Variants in USP12 observed in about 807,000 individuals in gnomAD.
USP12 encodes ubiquitin carboxyl-terminal hydrolase 12.
Under a neutral mutation model 45.5 loss-of-function variants are expected in USP12, and 19 were observed. The ratio of observed to expected loss-of-function variants is 0.42; its 90% CI spans 0.29 to 0.61. USP12 has a LOEUF of 0.61. Among genes scored for constraint, USP12 ranks in the 20% least tolerant of loss-of-function variants. The pLI, the probability that USP12 is intolerant of heterozygous loss-of-function variation, is 0.22. For synonymous variants in USP12, 149 were observed against 148.8 expected, an observed-to-expected ratio of 1.00 and a Z score of -0.01; for missense variants, 242 against 447.7, an observed-to-expected ratio of 0.54 and a Z score of 4.15.
At chr13:27,161,587 C>T (rs1878109664) in intron 1 of USP12, among the ~76,000 whole-genome samples, 1 of 152,106 alleles carries the variant, frequency 6.6e-6, no homozygotes. Context: ...TTACTGCCAT[C>T]AGAAGTTAAC....
intron 6 of USP12, chr13:27,089,662 C>T (rs541355356): frequency 2.9e-5 from 14 of 481,802 alleles, no homozygotes; most frequent in East Asian, 1.7e-4. Context: ...ATTAAATAAT[C>T]GCTAGACATA....
At chr13:27,155,323 T>C (rs371394267) in intron 1 of USP12, among the ~76,000 whole-genome samples, 23 of 152,002 alleles carry the variant, frequency 1.5e-4, no homozygotes, top group South Asian at 6.2e-4. Flanking sequence ...CCTCGTGATC[T>C]GCCCGCCTTG....
At chr13:27,087,967 C>A (rs1012087027) in intron 6 of USP12, among the ~76,000 whole-genome samples, 3 of 152,186 alleles carry the variant, frequency 2.0e-5, no homozygotes, top group Admixed American at 6.5e-5. Context: ...CAAAATGCTT[C>A]CACATAAAAT....
At chr13:27,102,044 G>GA (rs1874889750) in intron 3 of USP12, among the ~76,000 whole-genome samples, 4 of 134,256 alleles carry the variant, frequency 3.0e-5, no homozygotes, top group African/African-American at 1.2e-4. Context: ...TGAATGAATG[G>GA]ACAATAGGGA....
intron 3 of USP12, among the ~76,000 whole-genome samples, chr13:27,096,382 A>G (rs1175838993): frequency 1.3e-5 from 2 of 152,244 alleles, no homozygotes; most frequent in Non-Finnish European, 2.9e-5. Context: ...AGAATTATCT[A>G]TATAATCCAG....
intron 4 of USP12, among the ~76,000 whole-genome samples, chr13:27,093,002 G>C (rs1874386902): frequency 6.6e-6 from 1 of 152,208 alleles, no homozygotes; most frequent in Middle Eastern, 3.4e-3. Flanking sequence ...TTCAAGACCA[G>C]CCTGACCAAC....
chr13:27,106,374 T>G (rs935836768), intron 2 of USP12, among the ~76,000 whole-genome samples: 3 of 130,888 alleles, frequency 2.3e-5, no homozygotes, highest in Middle Eastern at 3.7e-3. Flanking sequence ...ACTCTACTCC[T>G]CTCCACTCTA....
At chr13:27,137,978 C>T (rs998796070) in intron 1 of USP12, among the ~76,000 whole-genome samples, 2 of 152,368 alleles carry the variant, frequency 1.3e-5, no homozygotes, top group African/African-American at 4.8e-5. Flanking sequence ...AAGCCTAGAG[C>T]CTTCACTTAG....
At chr13:27,157,735 C>G (rs1392671467) in intron 1 of USP12, among the ~76,000 whole-genome samples, 2 of 152,142 alleles carry the variant, frequency 1.3e-5, no homozygotes, top group Non-Finnish European at 2.9e-5. Flanking sequence ...CTCCAAGTTA[C>G]CTTTCAAATT....
chr13:27,148,716 A>G (rs751967479), intron 1 of USP12, among the ~76,000 whole-genome samples: 5 of 147,262 alleles, frequency 3.4e-5, no homozygotes, highest in Admixed American at 6.8e-5. Flanking sequence ...TAACAGCACA[A>G]AAGAGGTAGG....
chr13:27,160,452 CAAATG>C (rs941487615), intron 1 of USP12, among the ~76,000 whole-genome samples: 4 of 148,388 alleles, frequency 2.7e-5, no homozygotes, highest in Admixed American at 6.7e-5. Context: ...GCAATAAAAA[CAAATG>C]AAACTAACCA....
At chr13:27,127,475 CA>C (rs1876296637) in intron 1 of USP12, among the ~76,000 whole-genome samples, 1 of 152,204 alleles carries the variant, frequency 6.6e-6, no homozygotes, top group African/African-American at 2.4e-5. Flanking sequence ...ATCACATGAT[CA>C]AAGGGCCTTT....
At position 27,081,009 on chromosome 13, in the gene USP12, ATTTTTT is replaced by A. The variant is rs372527345; in HGVS notation, c.735-5627_735-5622del. ...GCTGAAGGTCGGGGTGGCTGAGGCA[ATTTTTT>A]TTTTTTTTTTTTTTTTGAGACGGAG... is the stretch of plus-strand genomic sequence containing the variant. On this transcript the variant is annotated intron_variant, in intron 6 of 8. Coordinates refer to ENST00000282344, the MANE Select transcript of USP12 (RefSeq NM_182488.4). Among the ~76,000 whole-genome samples the A allele has an allele frequency of 7.2e-3, 828 of 114,632 alleles. 9 individuals carry two copies. The highest frequency in any genetic ancestry group is 0.026 in the African/African-American group (773 of 30,078). The allele number at this position is 114,632 out of a possible 152,430, so 75.2% of individuals were successfully genotyped here.
chr13:27,087,099 C>CTG (rs72206222), intron 6 of USP12, among the ~76,000 whole-genome samples: 8,134 of 147,066 alleles, frequency 0.055, 459 homozygotes, highest in African/African-American at 0.15. Context: ...GGGGAAGGGG[C>CTG]TGTGTGTGTG....
chr13:27,141,878 T>A (rs867334505), intron 1 of USP12, among the ~76,000 whole-genome samples: 11 of 152,136 alleles, frequency 7.2e-5, no homozygotes, highest in Non-Finnish European at 1.3e-4. Context: ...AACTGATGAG[T>A]TGAAGTCAAA....
At chr13:27,094,545 G>C (rs1035874742) in intron 4 of USP12, among the ~76,000 whole-genome samples, 1 of 152,004 alleles carries the variant, frequency 6.6e-6, no homozygotes, top group Non-Finnish European at 1.5e-5. Context: ...CCTTGACTGG[G>C]TGATCAAAAA....
At chr13:27,115,372 A>G (rs78665658) in intron 2 of USP12, among the ~76,000 whole-genome samples, 3,108 of 152,272 alleles carry the variant, frequency 0.02, 106 homozygotes, top group African/African-American at 0.071. Flanking sequence ...GGTTTTATGC[A>G]TAGTGCACAG....
At chr13:27,069,660 C>G (rs1445070181) in intron 8 of USP12, among the ~76,000 whole-genome samples, 1 of 152,170 alleles carries the variant, frequency 6.6e-6, no homozygotes, top group African/African-American at 2.4e-5. Context: ...AAAATGGTAA[C>G]TTCTAGGCTG....
intron 1 of USP12, among the ~76,000 whole-genome samples, chr13:27,119,690 A>G (rs4771073): frequency 0.76 from 115,568 of 152,224 alleles, 46,373 homozygotes; most frequent in South Asian, 0.92. Flanking sequence ...TTTTAACACA[A>G]AACTCCAGGG....
Sources: allele counts gnomAD v4.1 joint callset (sites outside exome capture counted in the v4.1 genomes callset), GRCh38; gene constraint gnomAD v4.1.1; transcripts MANE v1.5; gene names NCBI Gene and HGNC (gene_info 2026-07-23, HGNC 2026-07-21).